The following PDE8B variants were observed in gnomAD, a reference collection of about 807,000 sequenced individuals.
The protein encoded by PDE8B is phosphodiesterase 8B.
A neutral mutation model predicts 101.3 loss-of-function variants in PDE8B; 26 were observed. The observed-to-expected ratio is 0.26, with a 90% CI of 0.19 to 0.36. The LOEUF is 0.36. Among genes scored for constraint, PDE8B ranks in the 10% least tolerant of loss-of-function variants. PDE8B has a pLI of 1.00. For synonymous variants in PDE8B, 424 were observed against 429.3 expected (o/e 0.99, Z 0.15); for missense variants, 810 against 1,163.1 (o/e 0.70, Z 4.42).
intron 10 of PDE8B, among the ~76,000 whole-genome samples, chr5:77,362,031 A>T (rs1783193644): frequency 6.6e-6 from 1 of 152,210 alleles, no homozygotes; most frequent in Admixed American, 6.5e-5. Context: ...CATTCTTTGT[A>T]TTAGGGATTG....
chr5:77,323,741 G>A lies in PDE8B; in HGVS notation c.400-1798G>A, dbSNP rs558255134. ...TGGGAGGCCGAGGTGGGCGGATCAT[G>A]AGGTCAGGAGTTCGAGACCAGCCTG... On this transcript the variant is annotated intron_variant, in intron 2 of 21. Coordinates refer to ENST00000264917, the MANE Select transcript of PDE8B (RefSeq NM_003719.5). Among the ~76,000 whole-genome samples the A allele has an allele frequency of 1.3e-3, 194 of 152,294 alleles. 1 individual carries two copies. The highest frequency in any genetic ancestry group is 4.5e-3 in the African/African-American group (186 of 41,562).
rs376749828 is a variant in PDE8B, at chr5:77,418,821, A to ATG, written c.2129+376_2129+377dup. 4.6e-3 allele frequency among the ~76,000 whole-genome samples: 707 copies of ATG among 152,154 alleles called. 3 individuals carry two copies. Among genetic ancestry groups the ATG allele is most frequent in the African/African-American group, 0.016 (680 of 41,534 alleles). ...TTCCGGCCGCTTAAAATACTCCCTCATGAGTAGGTCCCACAGAGCGGGAGC... is the reference window on the plus strand; with the variant it reads ...TTCCGGCCGCTTAAAATACTCCCTCATGTGAGTAGGTCCCACAGAGCGGGAGC... On this transcript the variant is annotated intron_variant, in intron 18 of 21. Coordinates refer to ENST00000264917, the MANE Select transcript of PDE8B (RefSeq NM_003719.5).
the PDE8B span, among the ~76,000 whole-genome samples, chr5:77,203,869 G>A: frequency 6.6e-6 from 1 of 152,150 alleles, no homozygotes; most frequent in Non-Finnish European, 1.5e-5. Context: ...TGGATGATAT[G>A]CCTAGCAAGG....
chr5:77,334,598 C>T (rs1232574536), intron 5 of PDE8B, among the ~76,000 whole-genome samples: 3 of 152,212 alleles, frequency 2.0e-5, no homozygotes, highest in South Asian at 4.2e-4. Flanking sequence ...TGGGGAGCTA[C>T]GATTTATTGT....
At chr5:77,363,072 T>G (rs998621037) in intron 10 of PDE8B, among the ~76,000 whole-genome samples, 1 of 152,242 alleles carries the variant, frequency 6.6e-6, no homozygotes, top group African/African-American at 2.4e-5. Flanking sequence ...GTAATCCAAG[T>G]AAGATGTCTT....
intron 10 of PDE8B, among the ~76,000 whole-genome samples, chr5:77,377,100 A>C (rs114426494): frequency 4.4e-4 from 67 of 152,236 alleles, no homozygotes; most frequent in African/African-American, 1.5e-3. Flanking sequence ...CTGACAGCAT[A>C]AAAGTGAGGA....
intron 1 of PDE8B, among the ~76,000 whole-genome samples, chr5:77,234,302 T>C (rs369453121): frequency 7.2e-5 from 11 of 152,266 alleles, no homozygotes; most frequent in African/African-American, 2.6e-4. Flanking sequence ...CCCCAGAACC[T>C]AGACCTGGAA....
intron 10 of PDE8B, among the ~76,000 whole-genome samples, chr5:77,375,646 C>A (rs997408576): frequency 1.3e-5 from 2 of 152,128 alleles, no homozygotes; most frequent in African/African-American, 4.8e-5. Flanking sequence ...AGCTAGCCTG[C>A]TATCACAAAA....
At chr5:77,357,819 C>T (rs1782376862) in intron 10 of PDE8B, among the ~76,000 whole-genome samples, 1 of 152,182 alleles carries the variant, frequency 6.6e-6, no homozygotes, top group African/African-American at 2.4e-5. Context: ...CTCTTTTATC[C>T]ACACTCTACC....
At chr5:77,324,314 G>C (rs903100784) in intron 2 of PDE8B, among the ~76,000 whole-genome samples, 1 of 152,106 alleles carries the variant, frequency 6.6e-6, no homozygotes, top group African/African-American at 2.4e-5. Flanking sequence ...TCAGATATTT[G>C]CTGAACATCT....
chr5:77,377,694 G>A (rs1189946301), intron 10 of PDE8B, among the ~76,000 whole-genome samples: 2 of 152,318 alleles, frequency 1.3e-5, no homozygotes, highest in Non-Finnish European at 1.5e-5. Context: ...GACTGAATTT[G>A]AATCAGAGGA....
intron 1 of PDE8B, among the ~76,000 whole-genome samples, chr5:77,284,325 G>A (rs1325053891): frequency 6.6e-6 from 1 of 152,096 alleles, no homozygotes; most frequent in Non-Finnish European, 1.5e-5. Flanking sequence ...TTTTAACTTT[G>A]AATTAAGTCT....
At chr5:77,426,376 C>A in intron 21 of PDE8B, 69 bp from the exon 22 acceptor site, 1 of 1,008,762 alleles carries the variant, frequency 9.9e-7, no homozygotes, top group Non-Finnish European at 1.6e-6. Context: ...TCCCAGACAC[C>A]CCCAGGCTTA....
chr5:77,110,957 CTT>C, the PDE8B span, among the ~76,000 whole-genome samples: 1 of 152,204 alleles, frequency 6.6e-6, no homozygotes, highest in Non-Finnish European at 1.5e-5. Flanking sequence ...TTCAACACCC[CTT>C]CATGATAAAA....
In PDE8B at chr5:77,421,935, T is replaced by C; in HGVS notation, c.2365T>C (p.Leu789=). The C allele has an allele frequency of 6.2e-7, 1 of 1,614,190 alleles. No homozygotes were observed. Among genetic ancestry groups the C allele is most frequent in the South Asian group, 1.1e-5 (1 of 91,076 alleles). Residue 789 remains leucine (L), a synonymous_variant, in exon 20 of 22, where the codon TTG becomes CTG. Coordinates refer to ENST00000264917, the MANE Select transcript of PDE8B (RefSeq NM_003719.5). ...TGACGTGGCCAACCCATGCCGCCCC[T>C]TGGACCTGTGCATTGAATGGGCTGG... The part of the protein sequence containing the change: ...CADVANPCRP[L]DLCIEWAGRI...
chr5:77,340,852 T>G (rs1355161448), intron 6 of PDE8B, among the ~76,000 whole-genome samples: 1 of 152,134 alleles, frequency 6.6e-6, no homozygotes, highest in African/African-American at 2.4e-5. Context: ...ATTTATAGAC[T>G]TTATACCTGG....
intron 1 of PDE8B, among the ~76,000 whole-genome samples, chr5:77,270,307 G>A (rs1309191469): frequency 6.6e-6 from 1 of 152,154 alleles, no homozygotes; most frequent in African/African-American, 2.4e-5. Context: ...CGTTGATTTT[G>A]TATCCTGTAA....
intron 1 of PDE8B, among the ~76,000 whole-genome samples, chr5:77,271,471 G>C (rs1308810002): frequency 6.6e-6 from 1 of 152,032 alleles, no homozygotes; most frequent in African/African-American, 2.4e-5. Context: ...AGCCAAGGCT[G>C]ATACCTTTCA....
chr5:77,259,849 A>G (rs1455916626), intron 1 of PDE8B, among the ~76,000 whole-genome samples: 2 of 152,164 alleles, frequency 1.3e-5, no homozygotes, highest in Admixed American at 6.5e-5. Context: ...TTTCCTGTGG[A>G]AAAAAGTTTG....
Sources: allele counts gnomAD v4.1 joint callset (sites outside exome capture counted in the v4.1 genomes callset), GRCh38; gene constraint gnomAD v4.1.1; transcripts MANE v1.5; gene names NCBI Gene and HGNC (gene_info 2026-07-23, HGNC 2026-07-21).